Variants in ATP2B1 observed in about 807,000 individuals in gnomAD.
ATP2B1 encodes the protein ATPase plasma membrane Ca2+ transporting 1, also known as plasma membrane calcium-transporting ATPase 1.
In ATP2B1, 14 loss-of-function variants were observed where a neutral mutation model predicts 124.2. That is an observed-to-expected ratio of 0.11 (90% CI 0.07 to 0.18). The LOEUF is 0.18. Among genes scored for constraint, ATP2B1 ranks in the 10% least tolerant of loss-of-function variants. The pLI, the probability that ATP2B1 is intolerant of heterozygous loss-of-function variation, is 1.00. For synonymous variants in ATP2B1, 449 were observed against 492.4 expected, an observed-to-expected ratio of 0.91 and a Z score of 1.17; for missense variants, 763 against 1,466.1, an observed-to-expected ratio of 0.52 and a Z score of 7.83.
chr12:89,698,778 G>A (rs1891475320), intron 1 of ATP2B1, among the ~76,000 whole-genome samples: 1 of 152,134 alleles, frequency 6.6e-6, no homozygotes, highest in Non-Finnish European at 1.5e-5. Context: ...TCCGATTCTT[G>A]AGGTCTTTTA....
chr12:89,612,389 C>A (rs941328625), intron 12 of ATP2B1, among the ~76,000 whole-genome samples: 11 of 151,456 alleles, frequency 7.3e-5, no homozygotes, highest in Admixed American at 5.9e-4. Flanking sequence ...AATTAAAATG[C>A]CTAAAGGATC....
intron 8 of ATP2B1, among the ~76,000 whole-genome samples, chr12:89,625,813 G>A (rs1227250399): frequency 2.0e-5 from 3 of 152,024 alleles, no homozygotes; most frequent in Admixed American, 6.6e-5. Context: ...AAGCAAAAAC[G>A]TCACTTTTTC....
Position 89,620,243 on chromosome 12 carries a change from A to G in ATP2B1, c.1588-3T>C, listed in dbSNP as rs201472362. ...AATCCACCCTCTTTCTCTGGTGGCT[A>G]TAAGAGAAAAACATTTAGTAGCTAG... On this transcript the variant is annotated splice_polypyrimidine_tract_variant and splice_region_variant and intron_variant, in intron 10 of 20. Coordinates refer to ENST00000428670, the MANE Select transcript of ATP2B1 (RefSeq NM_001366521.1). 107 of 1,612,944 alleles carry G rather than the reference A, an allele frequency of 6.6e-5. No homozygotes were observed. Among genetic ancestry groups the G allele is most frequent in the South Asian group, 1.8e-4 (16 of 91,060 alleles).
chr12:89,687,561 T>G, intron 1 of ATP2B1, among the ~76,000 whole-genome samples: 1 of 151,976 alleles, frequency 6.6e-6, no homozygotes, highest in Non-Finnish European at 1.5e-5. Flanking sequence ...TAATCCCCCA[T>G]GGAAACTGAG....
intron 1 of ATP2B1, among the ~76,000 whole-genome samples, chr12:89,677,981 C>T (rs377345637): frequency 0.17 from 10,723 of 62,756 alleles, 1,228 homozygotes; most frequent in Middle Eastern, 0.33. Flanking sequence ...TACACACACA[C>T]ACACACACAC....
At chr12:89,678,614 C>T (rs1888963509) in intron 1 of ATP2B1, among the ~76,000 whole-genome samples, 1 of 152,134 alleles carries the variant, frequency 6.6e-6, no homozygotes, top group African/African-American at 2.4e-5. Context: ...TAAGGATATG[C>T]CCTCTGGCCA....
At position 89,655,867 on chromosome 12, in the gene ATP2B1, T is replaced by TC; in HGVS notation, c.19_20insG (p.Asn7ArgfsTer16). 1 of 1,599,538 alleles carries TC rather than the reference T, an allele frequency of 6.3e-7. No individual in the cohort carries two copies. The highest frequency in any genetic ancestry group is 1.3e-5 in the African/African-American group (1 of 74,406). On this transcript the variant is annotated frameshift_variant, in exon 2 of 21. Transcript: ENST00000428670. LOFTEE classifies it high-confidence loss of function. ...TTTCACACCACTGTAAGCAACTGAGTTGTTTGCCATGTCGCCCATTACAAG... is the reference window on the plus strand; with the variant it reads ...TTTCACACCACTGTAAGCAACTGAGTCTGTTTGCCATGTCGCCCATTACAAG...
intron 11 of ATP2B1, among the ~76,000 whole-genome samples, chr12:89,619,486 C>A (rs2136071324): frequency 6.6e-6 from 1 of 152,088 alleles, no homozygotes; most frequent in South Asian, 2.1e-4. Context: ...GTGGCAGGTG[C>A]CTGTAATCCC....
In ATP2B1 at chr12:89,642,208, A is replaced by T; in HGVS notation, c.356T>A (p.Ile119Lys). 6.2e-7 allele frequency: 1 copy of T among 1,613,776 alleles called. No individual in the cohort carries two copies. Among genetic ancestry groups the T allele is most frequent in the Non-Finnish European group, 8.5e-7 (1 of 1,179,810 alleles). The stretch of plus-strand genomic sequence containing the variant: ...ATAAAAAGAAAGGCCCAATGATACT[A>T]TGGCTGCAATTTCTAATATAATTAA... Reference protein sequence around the residue: ...VTLIILEIAAIVSLGLSFYQP... With the variant: ...VTLIILEIAAKVSLGLSFYQP... The change falls in exon 3 of 21, where the codon ATA (isoleucine) becomes AAA (lysine). Residue 119 changes from isoleucine to lysine, a missense_variant. Around this residue, in one of 7 missense-constraint regions of ATP2B1, gnomAD observed 392 missense variants for 776.6 expected, o/e 0.50. Coordinates refer to ENST00000428670, the MANE Select transcript of ATP2B1 (RefSeq NM_001366521.1).
intron 15 of ATP2B1, among the ~76,000 whole-genome samples, chr12:89,606,345 A>C (rs889667226): frequency 3.3e-5 from 5 of 152,206 alleles, no homozygotes; most frequent in African/African-American, 7.2e-5. Flanking sequence ...TAAGTAAAAG[A>C]AGCAGCTAAA....
intron 3 of ATP2B1, among the ~76,000 whole-genome samples, chr12:89,637,959 G>A (rs1421925234): frequency 1.3e-5 from 2 of 152,012 alleles, no homozygotes; most frequent in Non-Finnish European, 2.9e-5. Flanking sequence ...AAGAGAACTT[G>A]AAGCAAATTA....
At position 89,635,269 on chromosome 12, in the gene ATP2B1, A is replaced by T. The variant is rs1190816412; in HGVS notation, c.407-18T>A. 3 of 1,602,514 alleles carry T rather than the reference A, an allele frequency of 1.9e-6. No individual in the cohort carries two copies. The highest frequency in any genetic ancestry group is 1.7e-6 in the Non-Finnish European group (2 of 1,176,064). On this transcript the variant is annotated intron_variant, in intron 3 of 20. Transcript: ENST00000428670. ...TCCACAAACTATTTGGAAAGAAAGA[A>T]AATGCTTATCAAAAAGATTCTGAAT...
intron 1 of ATP2B1, among the ~76,000 whole-genome samples, chr12:89,660,794 T>C (rs1468756530): frequency 6.6e-6 from 1 of 152,252 alleles, no homozygotes. Context: ...CTGCAGAGAA[T>C]AGCCTTCTCC....
Position 89,603,701 on chromosome 12 carries a change from T to A in ATP2B1, c.2848+11A>T, listed in dbSNP as rs17465678. On this transcript the variant is annotated intron_variant, in intron 17 of 20. Transcript: ENST00000428670. This position sits in a 1 kb window ranked among gnomAD's most constrained non-coding sequence, Gnocchi z 4.3. ...AATTAACTGAAGCTTTATTAGACAC[T>A]GAATTCTTACCAGCAAATAAGAGTG... 2 of 1,606,754 alleles carry A rather than the reference T, an allele frequency of 1.2e-6. No individual in the cohort carries two copies. The highest frequency in any genetic ancestry group is 1.7e-6 in the Non-Finnish European group (2 of 1,173,398).
intron 13 of ATP2B1, 88 bp downstream of exon 13, chr12:89,611,105 A>G: frequency 1.6e-6 from 2 of 1,224,218 alleles, no homozygotes; most frequent in Non-Finnish European, 2.2e-6. Flanking sequence ...TGCCTAACAC[A>G]GTGCATATTC....
At chr12:89,607,481 A>G (rs1592725679) in intron 15 of ATP2B1, among the ~76,000 whole-genome samples, 2 of 152,186 alleles carry the variant, frequency 1.3e-5, no homozygotes, top group African/African-American at 4.8e-5. Flanking sequence ...TTTAGGAGAC[A>G]GCAACTCTTC....
At chr12:89,609,471 CAAGT>C (rs1229039693) in intron 15 of ATP2B1, among the ~76,000 whole-genome samples, 1 of 151,620 alleles carries the variant, frequency 6.6e-6, no homozygotes, top group Non-Finnish European at 1.5e-5. Flanking sequence ...TTGGGGAAAA[CAAGT>C]AGGTAGGATT....
intron 1 of ATP2B1, among the ~76,000 whole-genome samples, chr12:89,659,764 A>G (rs887180314): frequency 6.6e-6 from 1 of 152,048 alleles, no homozygotes; most frequent in Admixed American, 6.6e-5. Flanking sequence ...CTACTAAAAA[A>G]TACAAAAAAT....
chr12:89,623,439 C>T (rs1348340969), intron 9 of ATP2B1, among the ~76,000 whole-genome samples: 3 of 151,704 alleles, frequency 2.0e-5, no homozygotes, highest in Non-Finnish European at 4.4e-5. Flanking sequence ...AGGATTATTA[C>T]TTTAAGGTAA....
Sources: gnomAD v4.1 joint callset for allele counts (sites outside exome capture counted in the v4.1 genomes callset) on GRCh38, gnomAD v4.1.1 for gene constraint, gnomAD v4.1.1 regional missense constraint, Gnocchi (gnomAD v3.1) non-coding constraint, MANE v1.5 for transcripts, NCBI Gene and HGNC (gene_info 2026-07-23, HGNC 2026-07-21) for gene names.